Variants in SUMF1 observed in about 807,000 individuals in gnomAD.
SUMF1 encodes the protein sulfatase modifying factor 1, also known as formylglycine-generating enzyme.
Under a neutral mutation model 47.6 loss-of-function variants are expected in SUMF1, and 48 were observed. That is an observed-to-expected ratio of 1.01 (90% CI 0.80 to 1.28). SUMF1 has a LOEUF of 1.28. Among genes scored for constraint, SUMF1 ranks in the 50% most tolerant of loss-of-function variants. The pLI, the probability that SUMF1 is intolerant of heterozygous loss-of-function variation, is 0.00. For missense variants in SUMF1, 571 were observed against 485.4 expected, an observed-to-expected ratio of 1.18 and a Z score of -1.66; for synonymous variants, 230 against 192.1, an observed-to-expected ratio of 1.20 and a Z score of -1.63.
At chr3:4,131,714 C>A (rs890590627) in intron 8 of SUMF1, among the ~76,000 whole-genome samples, 11 of 152,270 alleles carry the variant, frequency 7.2e-5, no homozygotes, top group African/African-American at 2.4e-4. Flanking sequence ...GTGGATGAAC[C>A]TCTCTGAGTA....
intron 8 of SUMF1, among the ~76,000 whole-genome samples, chr3:4,225,535 C>A (rs1316950384): frequency 6.6e-6 from 1 of 152,120 alleles, no homozygotes; most frequent in African/African-American, 2.4e-5. Context: ...GATAGAACAG[C>A]AGCTTCAGTC....
chr3:4,147,059 A>G (rs1694211931), intron 8 of SUMF1, among the ~76,000 whole-genome samples: 1 of 152,158 alleles, frequency 6.6e-6, no homozygotes, highest in African/African-American at 2.4e-5. Flanking sequence ...AAGACACATG[A>G]AAAAATGCTC....
At chr3:4,130,303 C>T (rs1480783242) in intron 8 of SUMF1, among the ~76,000 whole-genome samples, 1 of 152,140 alleles carries the variant, frequency 6.6e-6, no homozygotes, top group Admixed American at 6.5e-5. Flanking sequence ...ATTGACTTGA[C>T]AAATGCCTTT....
chr3:4,275,393 A>G (rs1343452907), intron 8 of SUMF1, among the ~76,000 whole-genome samples: 2 of 152,118 alleles, frequency 1.3e-5, no homozygotes, highest in Non-Finnish European at 2.9e-5. Context: ...ATGGCAGTAA[A>G]ATGGACTACT....
chr3:4,238,721 G>C (rs886466448), intron 8 of SUMF1, among the ~76,000 whole-genome samples: 3 of 152,130 alleles, frequency 2.0e-5, no homozygotes, highest in Non-Finnish European at 2.9e-5. Context: ...CCATTCTGTA[G>C]GTTGCCTGTT....
Position 4,375,351 on chromosome 3 carries a change from G to A in SUMF1, c.1014+979C>T, listed in dbSNP as rs146578901. 2.3e-3 allele frequency among the ~76,000 whole-genome samples: 355 copies of A among 152,042 alleles called. 2 individuals are homozygous for A. Among genetic ancestry groups the A allele is most frequent in the African/African-American group, 8.0e-3 (331 of 41,466 alleles). On this transcript the variant is annotated intron_variant, in intron 8 of 8. Transcript: ENST00000272902. ...GATTTGCTTTAGGCTAGTGATTCCCGAACTTGGCTGTATGTTTTCATCACC... is the reference window on the plus strand; with the variant it reads ...GATTTGCTTTAGGCTAGTGATTCCCAAACTTGGCTGTATGTTTTCATCACC...
intron 8 of SUMF1, among the ~76,000 whole-genome samples, chr3:4,221,543 C>A (rs1482929493): frequency 6.6e-6 from 1 of 151,734 alleles, no homozygotes; most frequent in African/African-American, 2.4e-5. Flanking sequence ...GTCCCATTTC[C>A]CAGTGATTAG....
intron 8 of SUMF1, among the ~76,000 whole-genome samples, chr3:4,141,094 A>G (rs1393433386): frequency 6.6e-6 from 1 of 152,134 alleles, no homozygotes; most frequent in Non-Finnish European, 1.5e-5. Context: ...GTATTTAGAG[A>G]CTGTTATGAG....
At chr3:4,385,743 A>C (rs953629111) in intron 7 of SUMF1, among the ~76,000 whole-genome samples, 1 of 151,866 alleles carries the variant, frequency 6.6e-6, no homozygotes, top group African/African-American at 2.4e-5. Context: ...TTTTTTTCTA[A>C]AGGTTTTAGA....
intron 8 of SUMF1, among the ~76,000 whole-genome samples, chr3:4,082,383 C>T: frequency 6.6e-6 from 1 of 152,036 alleles, no homozygotes. Context: ...TTGGGAGAAT[C>T]GCTTGAGCCT....
intron 8 of SUMF1, among the ~76,000 whole-genome samples, chr3:4,073,140 G>A (rs1162778066): frequency 1.3e-5 from 2 of 152,206 alleles, no homozygotes; most frequent in Admixed American, 6.5e-5. Context: ...GGATCTCTCT[G>A]CAGAAACCCT....
At chr3:4,132,240 C>T (rs550606170) in intron 8 of SUMF1, among the ~76,000 whole-genome samples, 9 of 152,280 alleles carry the variant, frequency 5.9e-5, no homozygotes, top group African/African-American at 9.6e-5. Flanking sequence ...TGGTATTCCA[C>T]ACAGCATTGT....
At chr3:4,069,804 T>C (rs1428492675) in intron 8 of SUMF1, among the ~76,000 whole-genome samples, 1 of 152,162 alleles carries the variant, frequency 6.6e-6, no homozygotes, top group Non-Finnish European at 1.5e-5. Flanking sequence ...GAAAAATATA[T>C]AACCCCAAAA....
intron 8 of SUMF1, among the ~76,000 whole-genome samples, chr3:4,107,708 T>A (rs1693190855): frequency 6.6e-6 from 1 of 152,034 alleles, no homozygotes; most frequent in South Asian, 2.1e-4. Flanking sequence ...ATAGCAGCAC[T>A]TTGGAAGGCC....
intron 9 of SUMF1, among the ~76,000 whole-genome samples, chr3:4,039,380 AC>A (rs1553588659): frequency 2.2e-5 from 1 of 46,344 alleles, no homozygotes; most frequent in Non-Finnish European, 4.3e-5. Flanking sequence ...CCCTCCCCCG[AC>A]CCCACCACAG....
At position 4,320,245 on chromosome 3, in the gene SUMF1, G is replaced by C. The variant is rs188441810; in HGVS notation, c.1014+56085C>G. On this transcript the variant is annotated intron_variant and NMD_transcript_variant, in intron 8 of 12. Transcript: ENST00000448413. ...TGTAGGAAACAAACTCAAAAGAGTA[G>C]GGGTGAAAGGTGCTGATCTAAGTAA... is the stretch of plus-strand genomic sequence containing the variant. Among the ~76,000 whole-genome samples, 10 of 152,296 alleles carry C rather than the reference G, an allele frequency of 6.6e-5. No homozygotes were observed. In the East Asian group the frequency reaches 1.9e-3, roughly 29 times the overall value.
At chr3:4,150,676 T>C (rs967503986) in intron 8 of SUMF1, among the ~76,000 whole-genome samples, 1 of 151,662 alleles carries the variant, frequency 6.6e-6, no homozygotes, top group African/African-American at 2.4e-5. Flanking sequence ...TGAGCCACTA[T>C]GCCAGGCTTC....
chr3:4,282,200 G>C (rs160383), intron 8 of SUMF1, among the ~76,000 whole-genome samples: 139,604 of 152,212 alleles, frequency 0.92, 64,124 homozygotes, highest in East Asian at 1. Context: ...TTTGTTAAAC[G>C]TCTAATCTCC....
chr3:4,369,627 T>A (rs1027253970), intron 8 of SUMF1, among the ~76,000 whole-genome samples: 1 of 152,160 alleles, frequency 6.6e-6, no homozygotes, highest in Admixed American at 6.5e-5. Flanking sequence ...TTGATGTGGA[T>A]GAGATTTCCA....
Sources: gnomAD v4.1 joint callset for allele counts (sites outside exome capture counted in the v4.1 genomes callset) on GRCh38, gnomAD v4.1.1 for gene constraint, MANE v1.5 for transcripts, NCBI Gene and HGNC (gene_info 2026-07-23, HGNC 2026-07-21) for gene names.